The following SGK1 variants were observed in gnomAD, a reference collection of about 807,000 sequenced individuals.
SGK1 encodes the protein serine/threonine-protein kinase Sgk1.
SGK1 carries 26 observed loss-of-function variants against 64.2 expected under a neutral mutation model. The observed-to-expected ratio is 0.40, with a 90% confidence interval of 0.30 to 0.56. SGK1 has a LOEUF of 0.56. Ranked by LOEUF, SGK1 falls within the 20% of genes least tolerant of loss-of-function variation. The pLI, the probability that SGK1 is intolerant of heterozygous loss-of-function variation, is 0.38. For missense variants in SGK1, 519 were observed against 645.6 expected (o/e 0.80, Z 2.12); for synonymous variants, 265 against 239.7 (o/e 1.11, Z -0.98).
In SGK1 at chr6:134,196,472, A is replaced by T. The variant is rs1232910151; in HGVS notation, c.361+10884T>A. Among the ~76,000 whole-genome samples, 3 of 151,956 alleles carry T rather than the reference A, an allele frequency of 2.0e-5. No homozygotes were observed. In the East Asian group the frequency reaches 5.8e-4, roughly 29 times the overall value. On this transcript the variant is annotated intron_variant, in intron 3 of 13. Coordinates refer to ENST00000367858, the MANE Select transcript of SGK1 (RefSeq NM_001143676.3). ...AAAAATAATAATTTACCCTAAAAAA[A>T]ATTAAAATAATAATAATAAAATAAT...
chr6:134,224,091 C>A (rs1776132791), intron 2 of SGK1, among the ~76,000 whole-genome samples: 1 of 152,138 alleles, frequency 6.6e-6, no homozygotes, highest in Non-Finnish European at 1.5e-5. Flanking sequence ...ATATGAAACA[C>A]ATGTTAAAAA....
chr6:134,257,522 CT>C (rs1386453124), intron 2 of SGK1, among the ~76,000 whole-genome samples: 4 of 152,160 alleles, frequency 2.6e-5, no homozygotes, highest in Non-Finnish European at 5.9e-5. Context: ...TATATTTTAT[CT>C]TTACATATAG....
At position 134,207,373 on chromosome 6, in the gene SGK1, C is replaced by T; in HGVS notation, c.344G>A (p.Trp115Ter). 6.2e-7 allele frequency: 1 copy of T among 1,610,152 alleles called. No homozygotes were observed. Among genetic ancestry groups the T allele is most frequent in the Non-Finnish European group, 8.5e-7 (1 of 1,176,656 alleles). ...ILTKPDPRTF[W>*]TNDDPAFMKQ... ...AATAATACCTGGATCATCATTAGTC[C>T]AGAAGGTTCTTGGATCGGGCTTGGT... Residue 115 changes from tryptophan to a stop codon, truncating the protein, a stop_gained, in exon 3 of 14, where the codon TGG (tryptophan) becomes TAG (stop). Coordinates refer to ENST00000367858, the MANE Select transcript of SGK1 (RefSeq NM_001143676.3). LOFTEE classifies it high-confidence loss of function.
intron 2 of SGK1, among the ~76,000 whole-genome samples, chr6:134,215,631 A>G (rs1240587193): frequency 2.0e-5 from 3 of 152,076 alleles, no homozygotes; most frequent in Admixed American, 1.3e-4. Context: ...CTGTAATCCC[A>G]GCACTGTGGG....
chr6:134,298,723 G>A, intron 1 of SGK1: 1 of 624,804 alleles, frequency 1.6e-6, no homozygotes, highest in South Asian at 2.5e-5. Flanking sequence ...GAGGCAGGCG[G>A]GCTGAACCAG....
At chr6:134,254,454 C>T (rs1776651127) in intron 2 of SGK1, among the ~76,000 whole-genome samples, 1 of 152,106 alleles carries the variant, frequency 6.6e-6, no homozygotes, top group Non-Finnish European at 1.5e-5. Flanking sequence ...TGCTGCCTGG[C>T]TTCCTATCAA....
At chr6:134,286,552 C>T (rs1363174620) in intron 1 of SGK1, among the ~76,000 whole-genome samples, 2 of 151,290 alleles carry the variant, frequency 1.3e-5, no homozygotes, top group Non-Finnish European at 2.9e-5. Flanking sequence ...CTGCAAGCTC[C>T]GCCTCCCGGG....
At chr6:134,210,667 T>C (rs1204784066) in intron 2 of SGK1, among the ~76,000 whole-genome samples, 1 of 150,446 alleles carries the variant, frequency 6.6e-6, no homozygotes, top group East Asian at 2.0e-4. Flanking sequence ...CTATTAAAAA[T>C]ACAAAAATTA....
Position 134,297,994 on chromosome 6 carries a change from C to T in SGK1, c.69+19398G>A, listed in dbSNP as rs548918171. On this transcript the variant is annotated intron_variant, in intron 1 of 13. Transcript: ENST00000367858. The stretch of plus-strand genomic sequence containing the variant: ...CGGCTGTTGTCCATGGACAGCATCA[C>T]AGACGTATCCGAGATCTGGGACTGC... 3.6e-4 allele frequency: 301 copies of T among 830,760 alleles called. 3 individuals carry two copies. The South Asian group carries it at 3.9e-3, about 11-fold the overall frequency. 51.5% of individuals were successfully genotyped at this position (830,760 alleles called of 1,614,324 possible).
At chr6:134,232,672 G>A (rs1383184863) in intron 2 of SGK1, among the ~76,000 whole-genome samples, 3 of 152,046 alleles carry the variant, frequency 2.0e-5, no homozygotes, top group Admixed American at 6.6e-5. Context: ...CCAACATGGC[G>A]AAAACTCGTC....
intron 2 of SGK1, among the ~76,000 whole-genome samples, chr6:134,223,821 T>C (rs760969044): frequency 1.3e-5 from 2 of 152,226 alleles, no homozygotes; most frequent in Non-Finnish European, 2.9e-5. Context: ...ACTAGACATC[T>C]CCATTAACAC....
intron 2 of SGK1, chr6:134,215,025 A>G (rs1235223067): frequency 4.4e-6 from 2 of 451,600 alleles, no homozygotes; most frequent in Non-Finnish European, 8.9e-6. Context: ...TTTAAACATC[A>G]GAAGATGGGG....
At chr6:134,274,482 T>A (rs929474519) in intron 1 of SGK1, among the ~76,000 whole-genome samples, 4 of 152,158 alleles carry the variant, frequency 2.6e-5, no homozygotes, top group Admixed American at 6.5e-5. Context: ...CAAGACTATA[T>A]CCTCTTCTCC....
intron 3 of SGK1, among the ~76,000 whole-genome samples, chr6:134,184,325 C>T (rs952868783): frequency 7.9e-5 from 12 of 151,634 alleles, no homozygotes; most frequent in African/African-American, 2.4e-4. Flanking sequence ...GGTGAAACCC[C>T]GTCCCTACTT....
intron 1 of SGK1, among the ~76,000 whole-genome samples, chr6:134,267,289 CTGTT>C (rs1004677123): frequency 1.3e-4 from 19 of 143,858 alleles, no homozygotes; most frequent in African/African-American, 3.1e-4. Flanking sequence ...AGTGACTTTT[CTGTT>C]TGTTTGGTTG....
At chr6:134,241,217 T>C (rs1356993644) in intron 2 of SGK1, among the ~76,000 whole-genome samples, 1 of 151,662 alleles carries the variant, frequency 6.6e-6, no homozygotes, top group Non-Finnish European at 1.5e-5. Context: ...ATCCGGCTAT[T>C]TTTTATATTT....
At chr6:134,254,093 C>T (rs968967768) in intron 2 of SGK1, among the ~76,000 whole-genome samples, 2 of 147,800 alleles carry the variant, frequency 1.4e-5, no homozygotes, top group African/African-American at 2.5e-5. Flanking sequence ...CCTAGTCTCT[C>T]CTTTTCTGTC....
chr6:134,184,896 G>C (rs1288651054), intron 3 of SGK1, among the ~76,000 whole-genome samples: 1 of 152,114 alleles, frequency 6.6e-6, no homozygotes, highest in Admixed American at 6.6e-5. Flanking sequence ...TGTTAGCCAG[G>C]CTGGTCTCGA....
chr6:134,304,136 A>G (rs1285988173), intron 1 of SGK1, among the ~76,000 whole-genome samples: 1 of 152,186 alleles, frequency 6.6e-6, no homozygotes, highest in Non-Finnish European at 1.5e-5. Flanking sequence ...CCAAACAAGA[A>G]GCTTTCTCGG....
Sources: gnomAD v4.1 joint callset for allele counts (sites outside exome capture counted in the v4.1 genomes callset) on GRCh38, gnomAD v4.1.1 for gene constraint, MANE v1.5 for transcripts, NCBI Gene and HGNC (gene_info 2026-07-23, HGNC 2026-07-21) for gene names.